FTCDNL1: variants seen among roughly 807,000 people sequenced by gnomAD.
FTCDNL1 encodes the protein formiminotransferase N-terminal subdomain-containing protein.
A neutral mutation model predicts 5.9 loss-of-function variants in FTCDNL1; 11 were observed. That is an observed-to-expected ratio of 1.87 (90% confidence interval 1.18 to 3.10). FTCDNL1 has a LOEUF of 3.10. Among genes scored for constraint, FTCDNL1 ranks in the 30% most tolerant of loss-of-function variants. FTCDNL1 has a pLI of 0.00. For synonymous variants in FTCDNL1, 58 were observed against 24.8 expected (o/e 2.34, Z -3.99); for missense variants, 115 against 65.5 (o/e 1.76, Z -2.61).
the FTCDNL1 span, among the ~76,000 whole-genome samples, chr2:199,722,741 C>T: frequency 3.3e-5 from 5 of 152,142 alleles, no homozygotes; most frequent in African/African-American, 4.8e-5. Context: ...AATATTGAGT[C>T]TTCCTATCCA....
At chr2:199,788,367 C>T (rs540707227) in intron 3 of FTCDNL1, among the ~76,000 whole-genome samples, 159 of 152,194 alleles carry the variant, frequency 1.0e-3, no homozygotes, top group African/African-American at 3.7e-3. Flanking sequence ...TTTAGCACAG[C>T]ATATTCTATG....
the FTCDNL1 span, among the ~76,000 whole-genome samples, chr2:199,735,078 C>T: frequency 1.4e-5 from 2 of 142,164 alleles, no homozygotes; most frequent in East Asian, 4.3e-4. Context: ...TGTTCTTAAA[C>T]CCCCTGATAG....
the FTCDNL1 span, among the ~76,000 whole-genome samples, chr2:199,710,505 G>C: frequency 6.6e-6 from 1 of 152,180 alleles, no homozygotes; most frequent in Non-Finnish European, 1.5e-5. Context: ...CAATAAGTCA[G>C]TAGTTTGGTA....
the FTCDNL1 span, among the ~76,000 whole-genome samples, chr2:199,734,924 G>C: frequency 2.0e-5 from 3 of 152,038 alleles, no homozygotes; most frequent in Non-Finnish European, 4.4e-5. Flanking sequence ...GGCAAAATGT[G>C]CTAAAGGGAT....
chr2:199,841,100 G>A (rs879787476), intron 3 of FTCDNL1, among the ~76,000 whole-genome samples: 6 of 151,974 alleles, frequency 3.9e-5, no homozygotes, highest in Non-Finnish European at 8.8e-5. Flanking sequence ...GCAGTGAGCC[G>A]GGATCATGCC....
At chr2:199,760,216 AAAAC>A, downstream of FTCDNL1, among the ~76,000 whole-genome samples, 1 of 145,134 alleles carries the variant, frequency 6.9e-6, no homozygotes, top group South Asian at 2.3e-4. Context: ...TAAAAAAAAA[AAAAC>A]AAAAAACTCT....
the FTCDNL1 span, among the ~76,000 whole-genome samples, chr2:199,718,229 C>T: frequency 0.6 from 90,847 of 151,846 alleles, 30,567 homozygotes; most frequent in Non-Finnish European, 0.75. Context: ...ACCTTCCCAT[C>T]TTTTGTAGTG....
the FTCDNL1 span, among the ~76,000 whole-genome samples, chr2:199,683,171 T>A: frequency 6.6e-6 from 1 of 152,202 alleles, no homozygotes; most frequent in African/African-American, 2.4e-5. Flanking sequence ...AGAAGAATGA[T>A]CTTCCAGTTT....
At chr2:199,761,731 C>A (rs1296961146) in intron 3 of FTCDNL1, among the ~76,000 whole-genome samples, 1 of 152,188 alleles carries the variant, frequency 6.6e-6, no homozygotes, top group Non-Finnish European at 1.5e-5. Context: ...CCCAGCCATG[C>A]TGTCTTCCTG....
At chr2:199,731,751 A>G in the FTCDNL1 span, among the ~76,000 whole-genome samples, 5,882 of 151,492 alleles carry the variant, frequency 0.039, 162 homozygotes, top group Non-Finnish European at 0.064. Flanking sequence ...AGCCGGGCGT[A>G]GTGGCGGGCG....
the FTCDNL1 span, among the ~76,000 whole-genome samples, chr2:199,680,989 A>G: frequency 6.6e-6 from 1 of 152,182 alleles, no homozygotes; most frequent in African/African-American, 2.4e-5. Context: ...GAGGTACAAG[A>G]TCTGGAGAAG....
At chr2:199,801,563 G>A (rs901915722) in intron 3 of FTCDNL1, among the ~76,000 whole-genome samples, 5 of 152,166 alleles carry the variant, frequency 3.3e-5, no homozygotes, top group African/African-American at 4.8e-5. Context: ...GGCTGAGGTG[G>A]GAGGATCACT....
Position 199,815,431 on chromosome 2 carries a change from G to A in FTCDNL1, c.398-2707C>T, listed in dbSNP as rs76340383. Among the ~76,000 whole-genome samples the A allele has an allele frequency of 1.1e-3, 168 of 152,116 alleles. 2 individuals carry two copies. In the East Asian group the frequency reaches 0.029, roughly 26 times the overall value. On this transcript the variant is annotated intron_variant, in intron 4 of 4. Transcript: ENST00000420128. ...TTGACTGTACTGTACAGTTGATAGC[G>A]CCAATCATTTCTATTTCATTTTTGT...
chr2:199,686,222 T>TCTTC, the FTCDNL1 span, among the ~76,000 whole-genome samples: 158 of 151,928 alleles, frequency 1.0e-3, 1 homozygote, highest in African/African-American at 3.7e-3. Context: ...CATTTATTTT[T>TCTTC]GTTATGCACT....
chr2:199,805,911 C>A (rs1398893571), downstream of FTCDNL1, among the ~76,000 whole-genome samples: 1 of 150,722 alleles, frequency 6.6e-6, no homozygotes, highest in Non-Finnish European at 1.5e-5. Flanking sequence ...AAAGCAAGAC[C>A]TTGTCTTGAA....
Position 199,801,678 on chromosome 2 carries a change from C to T in FTCDNL1, c.212-40843G>A, listed in dbSNP as rs541587422. The stretch of plus-strand genomic sequence containing the variant: ...TCAAAAAAAAGGAATAGGCCGGGCA[C>T]GGTGGCTCACGCCTGTAATCCCAGC... On this transcript the variant is annotated intron_variant, in intron 3 of 3. Coordinates refer to the FTCDNL1 transcript ENST00000416668. Among the ~76,000 whole-genome samples, 8 of 150,224 alleles carry T rather than the reference C, an allele frequency of 5.3e-5. No homozygotes were observed. In the South Asian group the frequency reaches 1.3e-3, roughly 24 times the overall value.
the FTCDNL1 span, among the ~76,000 whole-genome samples, chr2:199,707,395 A>G: frequency 6.6e-6 from 1 of 152,036 alleles, no homozygotes; most frequent in Non-Finnish European, 1.5e-5. Context: ...TTCTTGAATA[A>G]TCTTTACAAT....
At chr2:199,713,162 G>T in the FTCDNL1 span, among the ~76,000 whole-genome samples, 1 of 151,864 alleles carries the variant, frequency 6.6e-6, no homozygotes, top group African/African-American at 2.4e-5. Context: ...AAGTTAATTT[G>T]TCATGAGTGC....
the FTCDNL1 span, among the ~76,000 whole-genome samples, chr2:199,717,509 A>ATTTTTTTT: frequency 1.9e-4 from 11 of 57,690 alleles, no homozygotes; most frequent in Admixed American, 5.8e-4. Flanking sequence ...CAAGGCAGAG[A>ATTTTTTTT]TTTTTTTTTT....
Sources: allele counts gnomAD v4.1 joint callset (sites outside exome capture counted in the v4.1 genomes callset), GRCh38; gene constraint gnomAD v4.1.1; transcripts MANE v1.5; gene names NCBI Gene and HGNC (gene_info 2026-07-23, HGNC 2026-07-21).